The following IFNAR1 variants were observed in gnomAD, a reference collection of about 807,000 sequenced individuals.
The protein encoded by IFNAR1 is interferon alpha and beta receptor subunit 1, also known as interferon alpha/beta receptor 1.
A neutral mutation model predicts 62.1 loss-of-function variants in IFNAR1; 47 were observed. The ratio of observed to expected loss-of-function variants is 0.76; its 90% CI spans 0.60 to 0.97. The LOEUF (loss-of-function observed/expected upper bound fraction) is 0.97, where lower values mean the gene tolerates loss of function less well. Ranked by LOEUF, IFNAR1 falls within the 50% of genes least tolerant of loss-of-function variation. The pLI is 0.00. For synonymous variants in IFNAR1, 219 were observed against 226.9 expected (o/e 0.97, Z 0.31); for missense variants, 638 against 654.5 (o/e 0.97, Z 0.27).
At position 33,339,943 on chromosome 21, in the gene IFNAR1, A is replaced by T. The variant is rs867192048; in HGVS notation, c.201-1056A>T. ...ACTCTGTCTCAAAAAAAAAAAAAAA[A>T]AAAAAAAGAAATCTGCTAAGTTCGT... On this transcript the variant is annotated intron_variant, in intron 2 of 10. Coordinates refer to ENST00000270139, the MANE Select transcript of IFNAR1 (RefSeq NM_000629.3). Among the ~76,000 whole-genome samples, 7 of 151,480 alleles carry T rather than the reference A, an allele frequency of 4.6e-5. No homozygotes were observed. The South Asian group carries it at 1.2e-3, about 27-fold the overall frequency.
intron 9 of IFNAR1, 138 bp downstream of exon 9, chr21:33,353,046 C>T (rs1365214800): frequency 2.8e-5 from 15 of 540,766 alleles, no homozygotes; most frequent in Non-Finnish European, 1.2e-5. Flanking sequence ...TCATGAACTA[C>T]ATGAATCAAA....
intron 1 of IFNAR1, among the ~76,000 whole-genome samples, chr21:33,327,523 T>C (rs1186413612): frequency 6.6e-6 from 1 of 152,170 alleles, no homozygotes; most frequent in Non-Finnish European, 1.5e-5. Context: ...GGAAGTCAAA[T>C]CCTGAGTCTG....
chr21:33,324,892 G>GGGGTGTGTGTGTGTGTGTGT (rs145550964), upstream of IFNAR1: 20 of 571,542 alleles, frequency 3.5e-5, no homozygotes, highest in Middle Eastern at 2.3e-3. Flanking sequence ...GCGGAGGGGC[G>GGGGTGTGTGTGTGTGTGTGT]GTGTGTGTGT....
intron 3 of IFNAR1, among the ~76,000 whole-genome samples, chr21:33,343,009 C>A (rs2083308547): frequency 6.6e-6 from 1 of 152,234 alleles, no homozygotes; most frequent in African/African-American, 2.4e-5. Context: ...GGACACTGCT[C>A]TTTCCTGGTT....
intron 2 of IFNAR1, among the ~76,000 whole-genome samples, chr21:33,336,947 C>T (rs1032213710): frequency 1.3e-5 from 2 of 151,942 alleles, no homozygotes; most frequent in Non-Finnish European, 2.9e-5. Context: ...GATGGGGTTT[C>T]GCCATGTTGG....
chr21:33,351,370 A>G (rs1301931128), intron 8 of IFNAR1, among the ~76,000 whole-genome samples: 3 of 152,052 alleles, frequency 2.0e-5, no homozygotes, highest in African/African-American at 4.8e-5. Context: ...TGTATTCCAC[A>G]TAGTCTCTGG....
Position 33,325,072 on chromosome 21 carries a change from T to A in IFNAR1, c.17T>A (p.Leu6Gln). Residue 6 changes from leucine to glutamine, a missense_variant, in exon 1 of 11, where the codon CTG becomes CAG. Coordinates refer to ENST00000270139, the MANE Select transcript of IFNAR1 (RefSeq NM_000629.3). ...GGCTCCCAGATGATGGTCGTCCTCCTGGGCGCGACGACCCTAGTGCTCGTC... is the reference window on the plus strand; with the variant it reads ...GGCTCCCAGATGATGGTCGTCCTCCAGGGCGCGACGACCCTAGTGCTCGTC... MMVVL[L>Q]GATTLVLVAV... 1.9e-6 allele frequency: 3 copies of A among 1,608,640 alleles called. No homozygotes were observed. Among genetic ancestry groups the A allele is most frequent in the East Asian group, 2.2e-5 (1 of 44,656 alleles).
intron 7 of IFNAR1, 27 bp downstream of exon 7, chr21:33,349,317 T>G: frequency 6.4e-7 from 1 of 1,571,012 alleles, no homozygotes; most frequent in Non-Finnish European, 8.7e-7. Flanking sequence ...TACTGGAGAT[T>G]GTAATTCTCT....
intron 1 of IFNAR1, among the ~76,000 whole-genome samples, chr21:33,333,972 A>G (rs1331257817): frequency 6.6e-6 from 1 of 152,200 alleles, no homozygotes; most frequent in Non-Finnish European, 1.5e-5. Context: ...ACTGAAATTG[A>G]AGGGATGGAA....
In IFNAR1 at chr21:33,352,696, C is replaced by T. The variant is rs17875845; in HGVS notation, c.1144-62C>T. The T allele has an allele frequency of 7.5e-3, 6,635 of 879,182 alleles. 294 individuals are homozygous for T. The African/African-American group carries it at 0.099, about 13-fold the overall frequency. 54.5% of individuals were successfully genotyped at this position (879,182 alleles called of 1,614,324 possible). A position where few individuals can be genotyped will look rare whatever the true frequency, so the allele number is the denominator to read the frequency against. On this transcript the variant is annotated intron_variant, in intron 8 of 10. Transcript: ENST00000270139. Reference sequence around the variant, plus strand: ...GACTGAACATAAAAAATTGAGAAAGCACATATTCCCTGATTTCTTGAGGTG... The same window carrying T: ...GACTGAACATAAAAAATTGAGAAAGTACATATTCCCTGATTTCTTGAGGTG...
At chr21:33,345,781 C>T (rs552787044) in intron 6 of IFNAR1, among the ~76,000 whole-genome samples, 1 of 152,332 alleles carries the variant, frequency 6.6e-6, no homozygotes, top group Non-Finnish European at 1.5e-5. Context: ...AAAAATTAGC[C>T]TTCCTATTTT....
intron 8 of IFNAR1, among the ~76,000 whole-genome samples, chr21:33,351,446 C>G (rs2083396416): frequency 6.6e-6 from 1 of 152,146 alleles, no homozygotes; most frequent in South Asian, 2.1e-4. Flanking sequence ...TGGGAGCTGC[C>G]CAGCCAGTCT....
chr21:33,324,836 G>T (rs1336935185), upstream of IFNAR1: 13 of 579,428 alleles, frequency 2.2e-5, no homozygotes, highest in Middle Eastern at 4.6e-4. Context: ...TGGAGAAGGG[G>T]TGCTAGCTAG....
chr21:33,336,846 T>G (rs2123671896), intron 2 of IFNAR1, among the ~76,000 whole-genome samples: 1 of 150,352 alleles, frequency 6.7e-6, no homozygotes, highest in East Asian at 2.0e-4. Flanking sequence ...CACTTCCCGG[T>G]TTCAAGCGAT....
chr21:33,354,977 A>G (rs1391405432), intron 10 of IFNAR1, among the ~76,000 whole-genome samples: 1 of 151,906 alleles, frequency 6.6e-6, no homozygotes, highest in African/African-American at 2.4e-5. Flanking sequence ...GGATACAAAC[A>G]TTTTTATTAT....
intron 3 of IFNAR1, among the ~76,000 whole-genome samples, chr21:33,342,726 G>A (rs1013383038): frequency 5.3e-5 from 8 of 151,396 alleles, no homozygotes; most frequent in South Asian, 2.1e-4. Flanking sequence ...GCATGGTGGC[G>A]GGAGCCTGTA....
chr21:33,333,720 T>G (rs1185097680), intron 1 of IFNAR1, among the ~76,000 whole-genome samples: 1 of 148,880 alleles, frequency 6.7e-6, no homozygotes. Flanking sequence ...GCCTCCCGGG[T>G]TCACGCCATT....
chr21:33,331,672 C>T (rs1188851681), intron 1 of IFNAR1, among the ~76,000 whole-genome samples: 10 of 152,134 alleles, frequency 6.6e-5, no homozygotes, highest in Non-Finnish European at 1.5e-4. Context: ...CTTGGCCTCA[C>T]AGTCTGGGGT....
intron 9 of IFNAR1, 80 bp from the exon 10 acceptor site, chr21:33,353,557 CT>C: frequency 1.4e-6 from 1 of 720,150 alleles, no homozygotes; most frequent in Non-Finnish European, 2.3e-6. Flanking sequence ...TTTCATATGG[CT>C]AGTCTTTCAC....
Sources: gnomAD v4.1 joint callset for allele counts (sites outside exome capture counted in the v4.1 genomes callset) on GRCh38, gnomAD v4.1.1 for gene constraint, MANE v1.5 for transcripts, NCBI Gene and HGNC (gene_info 2026-07-23, HGNC 2026-07-21) for gene names.